Variants in COL6A5 observed in about 807,000 individuals in gnomAD.
COL6A5 encodes the protein collagen alpha-5(VI) chain.
Under a neutral mutation model 65.6 loss-of-function variants are expected in COL6A5, and 48 were observed. The ratio of observed to expected loss-of-function variants is 0.73; its 90% confidence interval spans 0.58 to 0.93. COL6A5 has a LOEUF of 0.93. Ranked by LOEUF, COL6A5 falls within the 40% of genes least tolerant of loss-of-function variation. The pLI is 0.00. For synonymous variants in COL6A5, 291 were observed against 322.8 expected (o/e 0.90, Z 1.05); for missense variants, 914 against 928.3 (o/e 0.98, Z 0.20).
chr3:130,397,360 TCACATATATATGTGATATA>T lies in COL6A5; in HGVS notation c.3569-208_3569-190del, dbSNP rs569737711. On this transcript the variant is annotated intron_variant and NMD_transcript_variant, in intron 8 of 41. Coordinates refer to the COL6A5 transcript ENST00000312481. Reference sequence around the variant, plus strand: ...AAAACCCCTGTGATATATGTTGGTATCACATATATATGTGATATACACATATATATGTGTATATGTATAT... The same window carrying T: ...AAAACCCCTGTGATATATGTTGGTATCACATATATATGTGTATATGTATAT... Among the ~76,000 whole-genome samples the T allele has an allele frequency of 8.7e-4, 133 of 152,074 alleles. 1 individual carries two copies. Among genetic ancestry groups the T allele is most frequent in the Middle Eastern group, 3.4e-3 (1 of 292 alleles).
At chr3:130,459,389 T>C (rs1709651412) in intron 5 of COL6A5, among the ~76,000 whole-genome samples, 1 of 152,158 alleles carries the variant, frequency 6.6e-6, no homozygotes, top group South Asian at 2.1e-4. Context: ...ATAATAGAAC[T>C]GGAAGGGTAT....
intron 4 of COL6A5, among the ~76,000 whole-genome samples, chr3:130,445,212 A>C (rs1709277985): frequency 6.6e-6 from 1 of 152,210 alleles, no homozygotes; most frequent in Admixed American, 6.6e-5. Flanking sequence ...TAAAGTGAAA[A>C]CAAATCTTAG....
chr3:130,421,501 G>A (rs1937517184), intron 27 of COL6A5, 141 bp downstream of exon 27: 2 of 765,676 alleles, frequency 2.6e-6, no homozygotes, highest in Non-Finnish European at 4.3e-6. Context: ...CCTGAGGAAA[G>A]AATCATATTT....
rs551526993 is a variant in COL6A5, at chr3:130,348,650, G to A, written c.-29+2669G>A. Among the ~76,000 whole-genome samples, 9 of 152,216 alleles carry A rather than the reference G, an allele frequency of 5.9e-5. No homozygotes were observed. The Middle Eastern group carries it at 0.014, about 230-fold the overall frequency. On this transcript the variant is annotated intron_variant and NMD_transcript_variant, in intron 1 of 41. Coordinates refer to the COL6A5 transcript ENST00000312481. Reference sequence around the variant, plus strand: ...TGGATATGTACCCAGTAATGAGATCGCTGAGTCAATTGGTATTTCTGGTTC... The same window carrying A: ...TGGATATGTACCCAGTAATGAGATCACTGAGTCAATTGGTATTTCTGGTTC...
At chr3:130,385,079 G>A (rs987326804) in exon 5 of COL6A5, 9 of 1,550,860 alleles carry the variant, frequency 5.8e-6, no homozygotes, top group Admixed American at 2.0e-5. Flanking sequence ...GAAAGCTCTG[G>A]ATTACATACT....
chr3:130,371,828 T>A (rs866345418), intron 1 of COL6A5, among the ~76,000 whole-genome samples: 2 of 152,122 alleles, frequency 1.3e-5, no homozygotes, highest in South Asian at 2.1e-4. Flanking sequence ...TCATATAAAT[T>A]GGACTTCATC....
intron 5 of COL6A5, among the ~76,000 whole-genome samples, chr3:130,459,466 G>T (rs1709654193): frequency 6.6e-6 from 1 of 152,058 alleles, no homozygotes; most frequent in African/African-American, 2.4e-5. Context: ...GGGATATATT[G>T]CAACGTCTGG....
At chr3:130,409,988 C>G in intron 18 of COL6A5, 21 bp from the exon 19 acceptor site, 2 of 1,511,806 alleles carry the variant, frequency 1.3e-6, no homozygotes, top group Non-Finnish European at 1.8e-6. Flanking sequence ...TTCTAAACTA[C>G]TTTTAAAAAT....
Position 130,477,150 on chromosome 3 carries a change from C to T in COL6A5, c.2328+6183C>T, listed in dbSNP as rs868228571. On this transcript the variant is annotated intron_variant, in intron 7 of 7. Coordinates refer to ENST00000512836, the Ensembl canonical transcript of COL6A5. ...CTATGTTTATAGAACGTAAGTTTAC[C>T]TTAAAGTTAGGCCATGAAACAGAAA... The T allele has an allele frequency of 1.2e-4, 141 of 1,217,516 alleles. 4 individuals carry two copies. The South Asian group carries it at 1.6e-3, about 14-fold the overall frequency. The allele number at this position is 1,217,516 out of a possible 1,614,324, so 75.4% of individuals were successfully genotyped here. A position where few individuals can be genotyped will look rare whatever the true frequency, so the allele number is the denominator to read the frequency against.
At chr3:130,424,748 T>C (rs1937573411) in intron 29 of COL6A5, among the ~76,000 whole-genome samples, 1 of 152,146 alleles carries the variant, frequency 6.6e-6, no homozygotes, top group Non-Finnish European at 1.5e-5. Context: ...CAATATTTAC[T>C]TTTTTGGCAT....
At chr3:130,482,601 T>C (rs899492281) in intron 7 of COL6A5, among the ~76,000 whole-genome samples, 2 of 152,206 alleles carry the variant, frequency 1.3e-5, no homozygotes, top group Non-Finnish European at 2.9e-5. Flanking sequence ...GGTAGCTTGA[T>C]GGGGATAGCA....
intron 1 of COL6A5, among the ~76,000 whole-genome samples, chr3:130,366,754 G>T (rs1406488748): frequency 6.6e-6 from 1 of 152,114 alleles, no homozygotes; most frequent in Admixed American, 6.5e-5. Context: ...GAAACATCAT[G>T]TTCATTTATT....
At chr3:130,381,529 A>G (rs1434240095) in intron 4 of COL6A5, among the ~76,000 whole-genome samples, 1 of 151,962 alleles carries the variant, frequency 6.6e-6, no homozygotes, top group Non-Finnish European at 1.5e-5. Flanking sequence ...TTTTTCTTCT[A>G]TCATTCCAGT....
intron 2 of COL6A5, among the ~76,000 whole-genome samples, 166 bp downstream of exon 2, chr3:130,373,871 G>A (rs1221377882): frequency 6.6e-6 from 1 of 152,108 alleles, no homozygotes. Context: ...ACAGCACAAA[G>A]CCATGAGCAA....
chr3:130,409,070 C>G (rs938828380), intron 17 of COL6A5, among the ~76,000 whole-genome samples: 1 of 152,120 alleles, frequency 6.6e-6, no homozygotes, highest in Admixed American at 6.6e-5. Flanking sequence ...ACATTTCCAT[C>G]ACTGCAGAAA....
chr3:130,468,897 C>G (rs1320638206), exon 6 of COL6A5: 1 of 1,612,000 alleles, frequency 6.2e-7, no homozygotes, highest in African/African-American at 1.3e-5. Flanking sequence ...CTCATAGATG[C>G]TTCCCAAAGA....
intron 29 of COL6A5, among the ~76,000 whole-genome samples, chr3:130,424,675 G>A (rs955441739): frequency 5.3e-5 from 8 of 152,088 alleles, no homozygotes; most frequent in Admixed American, 5.2e-4. Context: ...AACGTGAATG[G>A]TTTTGTGGAA....
upstream of COL6A5, chr3:130,429,549 CTT>C: frequency 6.5e-7 from 1 of 1,543,174 alleles, no homozygotes; most frequent in Non-Finnish European, 8.7e-7. Context: ...AGGTAACAAA[CTT>C]TTCCCTCTCT....
chr3:130,410,544 T>C lies in COL6A5; in HGVS notation c.4662+20T>C. On this transcript the variant is annotated intron_variant and NMD_transcript_variant, in intron 20 of 41. Coordinates refer to the COL6A5 transcript ENST00000312481. Reference sequence around the variant, plus strand: ...AGCAGGGTAAGTATTTCTGTGGACATTTATTTCCCCTCCTTGCCACTTGAA... The same window carrying C: ...AGCAGGGTAAGTATTTCTGTGGACACTTATTTCCCCTCCTTGCCACTTGAA... 2 of 1,545,568 alleles carry C rather than the reference T, an allele frequency of 1.3e-6. No individual in the cohort carries two copies. Among genetic ancestry groups the C allele is most frequent in the South Asian group, 1.2e-5 (1 of 83,842 alleles).
Sources: gnomAD v4.1 joint callset for allele counts (sites outside exome capture counted in the v4.1 genomes callset) on GRCh38, gnomAD v4.1.1 for gene constraint, MANE v1.5 for transcripts, NCBI Gene and HGNC (gene_info 2026-07-23, HGNC 2026-07-21) for gene names.